KRABD3: variants seen among roughly 807,000 people sequenced by gnomAD.
KRABD3 encodes the protein KRAB domain containing 3.
At chr7:149,729,135 GC>G in the KRABD3 span, 1 of 1,362,740 alleles carries the variant, frequency 7.3e-7, no homozygotes, top group Non-Finnish European at 9.6e-7. Context: ...TTCTTCTGTG[GC>G]AGCACGAGGC....
the KRABD3 span, chr7:149,720,817 A>G: frequency 1.3e-6 from 2 of 1,569,258 alleles, no homozygotes; most frequent in Non-Finnish European, 1.7e-6. Flanking sequence ...CGGGGGGGTC[A>G]CTGTGGCCTC....
chr7:149,733,066 G>C, the KRABD3 span: 4 of 988,028 alleles, frequency 4.0e-6, no homozygotes, highest in South Asian at 4.8e-5. Context: ...GCGTTCTCAG[G>C]CCTCACCCAC....
the KRABD3 span, chr7:149,734,008 G>T: frequency 6.2e-7 from 1 of 1,611,150 alleles, no homozygotes. Context: ...AAGAACTGTG[G>T]GGTGGGGAGC....
chr7:149,725,537 C>T, the KRABD3 span: 13 of 1,520,336 alleles, frequency 8.6e-6, no homozygotes, highest in Middle Eastern at 1.7e-4. Flanking sequence ...AGCGTGGCAG[C>T]GGAGGCAGAT....
the KRABD3 span, chr7:149,730,239 GGCCCCAGCCCCA>G: frequency 1.0e-5 from 16 of 1,564,772 alleles, no homozygotes; most frequent in African/African-American, 1.6e-4. Context: ...CTGCGTGGGA[GGCCCCAGCCCCA>G]GCCCCAGCCC....
chr7:149,729,270 C>T, the KRABD3 span: 1 of 1,605,356 alleles, frequency 6.2e-7, no homozygotes, highest in Non-Finnish European at 8.5e-7. Flanking sequence ...ATCTGGTCAG[C>T]CCACAGGTGT....
At chr7:149,722,641 C>T in the KRABD3 span, 1 of 1,490,808 alleles carries the variant, frequency 6.7e-7, no homozygotes. Context: ...CCGCCTGGGC[C>T]TGGTGGCAGC....
the KRABD3 span, chr7:149,720,963 C>G: frequency 1.2e-6 from 2 of 1,613,726 alleles, no homozygotes; most frequent in Non-Finnish European, 8.5e-7. Context: ...GGGAGCCAGC[C>G]TGGATGGAGA....
At chr7:149,723,868 G>T in the KRABD3 span, 7 of 1,613,596 alleles carry the variant, frequency 4.3e-6, no homozygotes, top group African/African-American at 9.3e-5. Flanking sequence ...GAATCCAGGA[G>T]CCTGGAAAAG....
the KRABD3 span, among the ~76,000 whole-genome samples, chr7:149,725,145 C>T: frequency 1.2e-4 from 18 of 152,168 alleles, no homozygotes; most frequent in African/African-American, 4.1e-4. Context: ...GGGTGGGGGG[C>T]GAGAGCCGAT....
At chr7:149,716,651 G>A in the KRABD3 span, among the ~76,000 whole-genome samples, 1 of 152,220 alleles carries the variant, frequency 6.6e-6, no homozygotes, top group Non-Finnish European at 1.5e-5. Flanking sequence ...CTGAGATGGT[G>A]AGAGGCCTGG....
the KRABD3 span, among the ~76,000 whole-genome samples, chr7:149,716,907 G>T: frequency 6.6e-6 from 1 of 152,282 alleles, no homozygotes; most frequent in South Asian, 2.1e-4. Context: ...TATGAGGTAG[G>T]TTGTTATGAT....
chr7:149,716,828 T>G, the KRABD3 span, among the ~76,000 whole-genome samples: 1 of 152,224 alleles, frequency 6.6e-6, no homozygotes, highest in Non-Finnish European at 1.5e-5. Context: ...ATCATAGCAC[T>G]TAATATTCAT....
the KRABD3 span, chr7:149,733,116 A>T: frequency 2.1e-5 from 30 of 1,442,170 alleles, no homozygotes; most frequent in Non-Finnish European, 2.8e-5. Flanking sequence ...GAGGAGGCAG[A>T]GTACTGAGCG....
At chr7:149,715,317 C>T in the KRABD3 span, 20 of 1,215,432 alleles carry the variant, frequency 1.6e-5, no homozygotes, top group African/African-American at 2.5e-4. Context: ...TACAAGTTAT[C>T]CTGGTAGAGT....
chr7:149,715,187 T>A, the KRABD3 span: 1 of 1,222,898 alleles, frequency 8.2e-7, no homozygotes, highest in Non-Finnish European at 1.0e-6. Context: ...GCAGGCCTGA[T>A]GCTCAGGGGT....
chr7:149,728,548 G>T, the KRABD3 span: 1 of 1,613,660 alleles, frequency 6.2e-7, no homozygotes, highest in South Asian at 1.1e-5. Context: ...GCTCCCCACT[G>T]CAGGGTCTGG....
chr7:149,730,371 G>A, the KRABD3 span: 2 of 1,550,670 alleles, frequency 1.3e-6, no homozygotes, highest in Non-Finnish European at 1.7e-6. Context: ...GAGGATAGCG[G>A]GATGTGTGCC....
At chr7:149,720,705 GGT>G in the KRABD3 span, 1 of 963,058 alleles carries the variant, frequency 1.0e-6, no homozygotes, top group Non-Finnish European at 1.5e-6. Flanking sequence ...CATGGGACAT[GGT>G]GTCTCCTCTG....
Sources: gnomAD v4.1 joint callset for allele counts (sites outside exome capture counted in the v4.1 genomes callset) on GRCh38, gnomAD v4.1.1 for gene constraint, MANE v1.5 for transcripts, NCBI Gene and HGNC (gene_info 2026-07-23, HGNC 2026-07-21) for gene names.